NOX5: variants seen among roughly 807,000 people sequenced by gnomAD.
The protein encoded by NOX5 is NADPH oxidase 5, also known as NADPH oxidase, EF-hand calcium binding domain 5.
Under a neutral mutation model 85.7 loss-of-function variants are expected in NOX5, and 76 were observed. The observed-to-expected ratio is 0.89, with a 90% CI of 0.74 to 1.07. NOX5 has a LOEUF of 1.07. NOX5 is among the 50% of genes least tolerant of loss of function. The probability of loss-of-function intolerance (pLI) is 0.00; values close to 1 mark genes in which losing one functional copy is unlikely to be tolerated. For synonymous variants in NOX5, 405 were observed against 401.4 expected, an observed-to-expected ratio of 1.01 and a Z score of -0.11; for missense variants, 973 against 999.5, an observed-to-expected ratio of 0.97 and a Z score of 0.36.
At chr15:69,034,320 C>T (rs2050483990) in intron 5 of NOX5, among the ~76,000 whole-genome samples, 1 of 152,042 alleles carries the variant, frequency 6.6e-6, no homozygotes, top group South Asian at 2.1e-4. Context: ...TCGATACATG[C>T]AATGTGTAAT....
At chr15:69,030,421 A>T (rs2050413703) in intron 3 of NOX5, 1 of 152,172 alleles carries the variant, frequency 6.6e-6, no homozygotes, top group South Asian at 2.1e-4. Flanking sequence ...TCACCCAGGG[A>T]TGGGATATTC....
In NOX5 at chr15:69,033,265, C is replaced by T; in HGVS notation, c.843C>T (p.Cys281=). ...KGCGQCLNFD[C]SFIAVLMLRR... ...GCGGCCAGTGCCTCAACTTCGACTG[C>T]AGCTTCATCGCGGTAGGCTCTGCCA... is the stretch of plus-strand genomic sequence containing the variant. Residue 281 remains cysteine (C), a synonymous_variant, in exon 5 of 16, where the codon TGC becomes TGT. Coordinates refer to ENST00000388866, the MANE Select transcript of NOX5 (RefSeq NM_024505.4). 1.3e-6 allele frequency: 2 copies of T among 1,594,734 alleles called. No individual in the cohort carries two copies. Among genetic ancestry groups the T allele is most frequent in the Non-Finnish European group, 1.7e-6 (2 of 1,178,456 alleles).
intron 1 of NOX5, among the ~76,000 whole-genome samples, chr15:69,020,564 TA>T (rs974604449): frequency 6.6e-6 from 1 of 151,924 alleles, no homozygotes; most frequent in African/African-American, 2.4e-5. Flanking sequence ...TACAATTTTT[TA>T]AAATTTCCAT....
chr15:69,039,116 C>A, intron 9 of NOX5, 127 bp downstream of exon 9: 2 of 1,115,978 alleles, frequency 1.8e-6, no homozygotes, highest in Non-Finnish European at 2.6e-6. Flanking sequence ...CCTCAAAAAG[C>A]TCTCTTTGAA....
intron 1 of NOX5, among the ~76,000 whole-genome samples, chr15:69,021,627 T>C (rs548157290): frequency 3.9e-5 from 6 of 152,358 alleles, no homozygotes; most frequent in African/African-American, 1.4e-4. Flanking sequence ...AACTGTCATT[T>C]TGAATTCTTA....
Position 69,057,146 on chromosome 15 carries a change from T to A in NOX5, c.*450T>A, listed in dbSNP as rs35290845. 9,353 of 161,964 alleles carry A rather than the reference T, an allele frequency of 0.058. 363 individuals carry two copies. The highest frequency in any genetic ancestry group is 0.085 in the Middle Eastern group (26 of 306). 10.0% of individuals were successfully genotyped at this position (161,964 alleles called of 1,614,324 possible). ...ACAAAAAGTGAGAAGAATCATACAG[T>A]GAACAGTGTTACCTACTTTCTAGAC... On this transcript the variant is annotated 3_prime_UTR_variant, in exon 16 of 16. Transcript: ENST00000388866.
chr15:69,029,505 G>C (rs1418460018), intron 3 of NOX5: 1 of 152,034 alleles, frequency 6.6e-6, no homozygotes, highest in Non-Finnish European at 1.5e-5. Context: ...ATTCTTCCGG[G>C]TATATATCCA....
chr15:69,055,818 C>A (rs1383620476), intron 15 of NOX5, among the ~76,000 whole-genome samples: 1 of 152,226 alleles, frequency 6.6e-6, no homozygotes, highest in African/African-American at 2.4e-5. Flanking sequence ...GGAAAAACAA[C>A]AAATCTTATC....
At position 69,056,993 on chromosome 15, in the gene NOX5, G is replaced by C. The variant is rs780880245; in HGVS notation, c.*297G>C. 3 of 242,716 alleles carry C rather than the reference G, an allele frequency of 1.2e-5. No homozygotes were observed. The Admixed American group carries it at 1.5e-4, about 12-fold the overall frequency. 15.0% of individuals were successfully genotyped at this position (242,716 alleles called of 1,614,324 possible). On this transcript the variant is annotated 3_prime_UTR_variant, in exon 16 of 16. Coordinates refer to ENST00000388866, the MANE Select transcript of NOX5 (RefSeq NM_024505.4). ...CTTGGGGGTGGGGTTCGAGGGGGCA[G>C]AGGGCAACCACTCCTCCAAACATTT...
intron 14 of NOX5, 129 bp downstream of exon 14, chr15:69,049,187 A>C: frequency 4.3e-6 from 2 of 461,824 alleles, no homozygotes; most frequent in East Asian, 4.0e-5. Flanking sequence ...AAGTGAACCC[A>C]GAGTCTTTTT....
chr15:69,028,065 G>A, intron 2 of NOX5, 150 bp from the exon 3 acceptor site: 1 of 774,994 alleles, frequency 1.3e-6, no homozygotes, highest in South Asian at 1.9e-5. Context: ...AGATCACGAT[G>A]GGTGTTCAGG....
chr15:69,055,628 C>T (rs1194516050), intron 15 of NOX5, 128 bp downstream of exon 15: 4 of 1,002,442 alleles, frequency 4.0e-6, no homozygotes, highest in Non-Finnish European at 5.8e-6. Context: ...CCAGAAGGGA[C>T]CTCGTGGTGT....
rs1036770380 is a variant in NOX5, at chr15:69,035,519, G to A, written c.1009+12G>A. 1 of 1,613,788 alleles carries A rather than the reference G, an allele frequency of 6.2e-7. No homozygotes were observed. The highest frequency in any genetic ancestry group is 8.5e-7 in the Non-Finnish European group (1 of 1,179,780). On this transcript the variant is annotated intron_variant, in intron 6 of 15. Transcript: ENST00000388866. ...CACTGTGAACTTTGGTGAGTGATCTGGGGCAGGGTTGGGTCGGGGAGAAGC... is the reference window on the plus strand; with the variant it reads ...CACTGTGAACTTTGGTGAGTGATCTAGGGCAGGGTTGGGTCGGGGAGAAGC...
chr15:69,022,986 C>T (rs1308280167), intron 1 of NOX5: 7 of 510,672 alleles, frequency 1.4e-5, no homozygotes, highest in Non-Finnish European at 2.8e-5. Flanking sequence ...GTTTGATAGC[C>T]TCACCTTAAT....
Position 69,035,391 on chromosome 15 carries a change from C to A in NOX5, c.893C>A (p.Ala298Asp). 6.2e-7 allele frequency: 1 copy of A among 1,614,148 alleles called. No homozygotes were observed. The highest frequency in any genetic ancestry group is 8.5e-7 in the Non-Finnish European group (1 of 1,180,022). Residue 298 changes from alanine to aspartate, a missense_variant, in exon 6 of 16, where the codon GCC (alanine) becomes GAC (aspartate). Coordinates refer to ENST00000388866, the MANE Select transcript of NOX5 (RefSeq NM_024505.4). The stretch of plus-strand genomic sequence containing the variant: ...AGACGCTGCCTCACCTGGCTGCGGG[C>A]CACGTGGCTGGCTCAAGTCCTACCA... ...MLRRCLTWLR[A>D]TWLAQVLPLD...
intron 1 of NOX5, among the ~76,000 whole-genome samples, chr15:69,019,686 A>G (rs912447293): frequency 3.9e-5 from 6 of 152,212 alleles, no homozygotes; most frequent in African/African-American, 1.2e-4. Flanking sequence ...ATTCAAATCA[A>G]TTCACACCTA....
At chr15:69,026,978 A>G (rs546674161) in intron 2 of NOX5, among the ~76,000 whole-genome samples, 4 of 152,284 alleles carry the variant, frequency 2.6e-5, no homozygotes, top group Admixed American at 1.3e-4. Flanking sequence ...GTCTATACCT[A>G]TTAAAGTCCT....
In NOX5 at chr15:69,058,233, A is replaced by G. The variant is rs762980486; in HGVS notation, c.*1537A>G. 1.3e-5 allele frequency: 2 copies of G among 152,280 alleles called. No individual in the cohort carries two copies. Among genetic ancestry groups the G allele is most frequent in the African/African-American group, 2.4e-5 (1 of 41,424 alleles). 9.4% of individuals were successfully genotyped at this position (152,280 alleles called of 1,614,324 possible). A position where few individuals can be genotyped will look rare whatever the true frequency, so the allele number is the denominator to read the frequency against. On this transcript the variant is annotated 3_prime_UTR_variant, in exon 16 of 16. Transcript: ENST00000388866. ...CATGGTTGCAAAGGGGGAGGTAAAG[A>G]AGCCGGATCATAACCTGGATGATGA...
chr15:69,047,193 T>G, intron 11 of NOX5: 1 of 613,452 alleles, frequency 1.6e-6, no homozygotes, highest in East Asian at 2.9e-5. Context: ...TTGTTTTCAC[T>G]AGCTCTGCAC....
Sources: gnomAD v4.1 joint callset for allele counts (sites outside exome capture counted in the v4.1 genomes callset) on GRCh38, gnomAD v4.1.1 for gene constraint, MANE v1.5 for transcripts, NCBI Gene and HGNC (gene_info 2026-07-23, HGNC 2026-07-21) for gene names.